SNIP1: variants seen among roughly 807,000 people sequenced by gnomAD.
SNIP1 encodes smad nuclear-interacting protein 1.
Under a neutral mutation model 37.4 loss-of-function variants are expected in SNIP1, and 23 were observed. The observed-to-expected ratio is 0.61, with a 90% confidence interval of 0.44 to 0.87. The LOEUF (loss-of-function observed/expected upper bound fraction) is 0.87, where lower values mean the gene tolerates loss of function less well. SNIP1 is among the 40% of genes least tolerant of loss of function. The pLI is 0.00. For missense variants in SNIP1, 459 were observed against 540.4 expected (o/e 0.85, Z 1.49); for synonymous variants, 174 against 200.0 (o/e 0.87, Z 1.10).
At position 37,540,728 on chromosome 1, in the gene SNIP1, G is replaced by A. The variant is rs777752199; in HGVS notation, c.355C>T (p.Arg119Trp). The A allele has an allele frequency of 1.2e-5, 19 of 1,609,958 alleles. No individual in the cohort carries two copies. The highest frequency in any genetic ancestry group is 5.0e-5 in the Admixed American group (3 of 59,878). ...QEREDHPRRG[R>W]EDRQHREPSE... ...GGTTCCCTGTGCTGCCGATCCTCCC[G>A]TCCTCTCCGGGGATGATCCTCACGC... The change falls in exon 3 of 4, where the codon CGG becomes TGG. Residue 119 changes from arginine to tryptophan, a missense_variant. Coordinates refer to ENST00000296215, the MANE Select transcript of SNIP1 (RefSeq NM_024700.4). The surrounding 1 kb of genome is among the most constrained non-coding windows in gnomAD (Gnocchi z 5.6).
chr1:37,545,660 T>A (rs1215496949), intron 2 of SNIP1, among the ~76,000 whole-genome samples: 1 of 151,710 alleles, frequency 6.6e-6, no homozygotes, highest in Non-Finnish European at 1.5e-5. Flanking sequence ...ATAATAATAA[T>A]AAAAATGATT....
Position 37,543,907 on chromosome 1 carries a change from A to AG in SNIP1, c.328-3153_328-3152insC, listed in dbSNP as rs1346538734. On this transcript the variant is annotated intron_variant, in intron 2 of 3. Coordinates refer to ENST00000296215, the MANE Select transcript of SNIP1 (RefSeq NM_024700.4). ...TGTAATCCCAGCACTTTGGGAGGGC[A>AG]AGGGGGGGGGCAGGTCACTTGAGGT... Among the ~76,000 whole-genome samples, 9 of 147,530 alleles carry AG rather than the reference A, an allele frequency of 6.1e-5. No individual in the cohort carries two copies. In the East Asian group the frequency reaches 1.7e-3, roughly 28 times the overall value.
intron 2 of SNIP1, among the ~76,000 whole-genome samples, chr1:37,548,495 T>C (rs1643266907): frequency 1.3e-5 from 2 of 151,828 alleles, no homozygotes; most frequent in Admixed American, 6.6e-5. Flanking sequence ...TTTGTATTTT[T>C]AGTAGAGACG....
intron 2 of SNIP1, among the ~76,000 whole-genome samples, chr1:37,551,387 C>T (rs557594570): frequency 1.3e-5 from 2 of 152,166 alleles, no homozygotes; most frequent in Admixed American, 6.5e-5. Flanking sequence ...ACAGGGAAAC[C>T]GGATCATTCA....
chr1:37,548,481 A>C (rs553891410), intron 2 of SNIP1, among the ~76,000 whole-genome samples: 1 of 151,454 alleles, frequency 6.6e-6, no homozygotes, highest in South Asian at 2.1e-4. Context: ...ACACCCAGCT[A>C]ATTTTTGTAT....
intron 3 of SNIP1, 142 bp from the exon 4 acceptor site, chr1:37,538,154 A>C: frequency 9.8e-7 from 1 of 1,021,404 alleles, no homozygotes; most frequent in Non-Finnish European, 1.4e-6. Context: ...AGGGAATCAA[A>C]GAAATCAAGG....
At chr1:37,538,147 G>C in intron 3 of SNIP1, 135 bp from the exon 4 acceptor site, 1 of 1,055,560 alleles carries the variant, frequency 9.5e-7, no homozygotes, top group Non-Finnish European at 1.3e-6. Flanking sequence ...AAATTCTAGG[G>C]AATCAAAGAA....
chr1:37,550,048 C>A (rs957860914), intron 2 of SNIP1, among the ~76,000 whole-genome samples: 1 of 151,208 alleles, frequency 6.6e-6, no homozygotes, highest in Admixed American at 6.6e-5. Flanking sequence ...GCAAAAAAAA[C>A]AAAAACAAAA....
chr1:37,540,260 T>A lies in SNIP1; in HGVS notation c.823A>T (p.Ile275Leu). 6.2e-7 allele frequency: 1 copy of A among 1,614,158 alleles called. No individual in the cohort carries two copies. Among genetic ancestry groups the A allele is most frequent in the Non-Finnish European group, 8.5e-7 (1 of 1,180,022 alleles). Residue 275 changes from isoleucine to leucine, a missense_variant, in exon 3 of 4, where the codon ATA (isoleucine) becomes TTA (leucine). Coordinates refer to ENST00000296215, the MANE Select transcript of SNIP1 (RefSeq NM_024700.4). The surrounding 1 kb of genome is among the most constrained non-coding windows in gnomAD (Gnocchi z 5.6). ...AGTAGGTACGCACTCTGTCGATGTA[T>A]GTACATGACTGGAAGCACCTCATCA... is the stretch of plus-strand genomic sequence containing the variant. ...KNDEVLPVMY[I>L]HRQSAYLLGR...
intron 3 of SNIP1, among the ~76,000 whole-genome samples, 174 bp downstream of exon 3, chr1:37,539,983 T>C (rs1318726827): frequency 6.6e-6 from 1 of 152,184 alleles, no homozygotes. Context: ...AAAAGTTTAA[T>C]GTTCTTATAA....
intron 2 of SNIP1, among the ~76,000 whole-genome samples, chr1:37,541,914 T>C (rs538920824): frequency 1.1e-4 from 17 of 152,318 alleles, no homozygotes; most frequent in African/African-American, 3.8e-4. Flanking sequence ...ACAGCAAAAC[T>C]AGCATGAATT....
chr1:37,543,037 G>A (rs1405968364), intron 2 of SNIP1, among the ~76,000 whole-genome samples: 1 of 148,966 alleles, frequency 6.7e-6, no homozygotes, highest in Non-Finnish European at 1.5e-5. Context: ...TCCAGCCTTG[G>A]CAACAGAGAC....
chr1:37,549,484 A>G (rs941757877), intron 2 of SNIP1, among the ~76,000 whole-genome samples: 6 of 152,254 alleles, frequency 3.9e-5, no homozygotes, highest in African/African-American at 1.2e-4. Context: ...TGTTCACCGC[A>G]GCCTCAACCT....
chr1:37,551,487 A>T (rs1011740901), intron 2 of SNIP1, among the ~76,000 whole-genome samples: 1 of 152,208 alleles, frequency 6.6e-6, no homozygotes, highest in Non-Finnish European at 1.5e-5. Context: ...TACCAAACCC[A>T]AGTACCTCAG....
chr1:37,545,592 A>C (rs1643225830), intron 2 of SNIP1, among the ~76,000 whole-genome samples: 1 of 151,960 alleles, frequency 6.6e-6, no homozygotes, highest in Non-Finnish European at 1.5e-5. Flanking sequence ...TTTCAAAATG[A>C]TTAGGGAGAA....
chr1:37,545,281 G>C (rs1283917439), intron 2 of SNIP1: 1 of 625,316 alleles, frequency 1.6e-6, no homozygotes, highest in Non-Finnish European at 3.0e-6. Flanking sequence ...ACCCCGGGGA[G>C]ACAGTGATAA....
chr1:37,544,750 C>T (rs971050730), intron 2 of SNIP1: 8 of 681,080 alleles, frequency 1.2e-5, no homozygotes, highest in East Asian at 2.8e-5. Context: ...GCACAGCCAC[C>T]GTGGCCACCA....
chr1:37,545,013 A>G (rs1643215851), intron 2 of SNIP1: 1 of 762,090 alleles, frequency 1.3e-6, no homozygotes, highest in Non-Finnish European at 2.4e-6. Context: ...GACTTCAAGA[A>G]ACCAGACCAT....
At position 37,535,812 on chromosome 1, in the gene SNIP1, C is replaced by CT. The variant is rs1186904030; in HGVS notation, c.*1935dup. On this transcript the variant is annotated 3_prime_UTR_variant, in exon 4 of 4. Coordinates refer to ENST00000296215, the MANE Select transcript of SNIP1 (RefSeq NM_024700.4). The stretch of plus-strand genomic sequence containing the variant: ...ATGTAGAACACATTCTTCAACTTAC[C>CT]TTTTTTTTTTTTTTCTGAGACAGAG... The CT allele has an allele frequency of 3.3e-3, 483 of 145,064 alleles. 1 individual carries two copies. The highest frequency in any genetic ancestry group is 5.1e-3 in the East Asian group (26 of 5,050). The allele number at this position is 145,064 out of a possible 1,614,324, so 9.0% of individuals were successfully genotyped here. A position where few individuals can be genotyped will look rare whatever the true frequency, so the allele number is the denominator to read the frequency against.
Sources: gnomAD v4.1 joint callset for allele counts (sites outside exome capture counted in the v4.1 genomes callset) on GRCh38, gnomAD v4.1.1 for gene constraint, Gnocchi (gnomAD v3.1) non-coding constraint, MANE v1.5 for transcripts, NCBI Gene and HGNC (gene_info 2026-07-23, HGNC 2026-07-21) for gene names.